The following MLYCD variants were observed in gnomAD, a reference collection of about 807,000 sequenced individuals.
The protein encoded by MLYCD is malonyl-CoA decarboxylase.
In MLYCD, 27 loss-of-function variants were observed where a neutral mutation model predicts 35.8. The ratio of observed to expected loss-of-function variants is 0.75; its 90% CI spans 0.56 to 1.04. MLYCD has a LOEUF of 1.04. MLYCD is among the 50% of genes least tolerant of loss of function. The pLI, the probability that MLYCD is intolerant of heterozygous loss-of-function variation, is 0.00. For missense variants in MLYCD, 917 were observed against 665.1 expected, an observed-to-expected ratio of 1.38 and a Z score of -4.17; for synonymous variants, 403 against 302.4, an observed-to-expected ratio of 1.33 and a Z score of -3.45.
Position 83,915,357 on chromosome 16 carries a change from G to A in MLYCD, c.1350G>A (p.Leu450=), listed in dbSNP as rs752170020. 8.1e-6 allele frequency: 13 copies of A among 1,613,792 alleles called. No homozygotes were observed. In the Admixed American group the frequency reaches 2.2e-4, roughly 27 times the overall value. ...SLRGITGSCG[L]MANYRYFLEE... is the part of the protein sequence containing the mutation. ...GAGGCATCACCGGCTCCTGCGGCCT[G>A]ATGGCCAACTACCGCTACTTCCTGG... The change falls in exon 5 of 5, where the codon CTG becomes CTA. Residue 450 remains leucine (L), a synonymous_variant. Coordinates refer to ENST00000262430, the MANE Select transcript of MLYCD (RefSeq NM_012213.3).
At chr16:83,901,269 A>C (rs140529157) in intron 1 of MLYCD, among the ~76,000 whole-genome samples, 155 of 152,308 alleles carry the variant, frequency 1.0e-3, no homozygotes, top group African/African-American at 3.4e-3. Flanking sequence ...TCTGATCCAC[A>C]CTTGGACATA....
rs556815658 is a variant in MLYCD, at chr16:83,909,692, G to A, written c.798+1410G>A. Among the ~76,000 whole-genome samples, 4 of 150,912 alleles carry A rather than the reference G, an allele frequency of 2.7e-5. No homozygotes were observed. In the South Asian group the frequency reaches 6.3e-4, roughly 24 times the overall value. ...GCTAGAGTGCAATGGTGCTGTCTCG[G>A]CTCACTGCAACCTCCAACTCCCGGG... is the stretch of plus-strand genomic sequence containing the variant. On this transcript the variant is annotated intron_variant, in intron 3 of 4. Coordinates refer to ENST00000262430, the MANE Select transcript of MLYCD (RefSeq NM_012213.3).
At chr16:83,905,918 G>C (rs1906957562) in intron 1 of MLYCD, among the ~76,000 whole-genome samples, 1 of 152,234 alleles carries the variant, frequency 6.6e-6, no homozygotes, top group Non-Finnish European at 1.5e-5. Context: ...TTCTGCTCTT[G>C]CTGGAAAAGC....
chr16:83,911,520 A>G (rs1185331028), intron 3 of MLYCD, among the ~76,000 whole-genome samples: 2 of 152,198 alleles, frequency 1.3e-5, no homozygotes, highest in Non-Finnish European at 2.9e-5. Flanking sequence ...GCTTCGGAGT[A>G]TAAGGGATTA....
At position 83,915,096 on chromosome 16, in the gene MLYCD, C is replaced by A. The variant is rs372909321; in HGVS notation, c.1089C>A (p.Ile363=). ...ELFTDSECKE[I]SEITGGPINE... ...TTACAGATTCGGAATGTAAGGAAATCTCGGAGATCACAGGTGGCCCCATTA... is the reference window on the plus strand; with the variant it reads ...TTACAGATTCGGAATGTAAGGAAATATCGGAGATCACAGGTGGCCCCATTA... Residue 363 remains isoleucine (I), a synonymous_variant, in exon 5 of 5, where the codon ATC becomes ATA. Transcript: ENST00000262430. The A allele has an allele frequency of 1.2e-6, 2 of 1,614,258 alleles. No homozygotes were observed. The highest frequency in any genetic ancestry group is 3.3e-5 in the Admixed American group (2 of 60,032).
In MLYCD at chr16:83,918,606, G is replaced by A. The variant is rs1907525133; in HGVS notation, c.*3117G>A. The A allele has an allele frequency of 7.1e-6, 1 of 140,962 alleles. No homozygotes were observed. The highest frequency in any genetic ancestry group is 1.5e-5 in the Non-Finnish European group (1 of 65,902). The allele number at this position is 140,962 out of a possible 1,614,324, so 8.7% of individuals were successfully genotyped here. On this transcript the variant is annotated 3_prime_UTR_variant, in exon 5 of 5. Transcript: ENST00000262430. ...CAGTGCACAGGAGAACACGCACAGTGCACAGGAGAACACGGTGCACCGGAG... is the reference window on the plus strand; with the variant it reads ...CAGTGCACAGGAGAACACGCACAGTACACAGGAGAACACGGTGCACCGGAG...
intron 1 of MLYCD, among the ~76,000 whole-genome samples, chr16:83,902,154 CGTATATATATATATATATATAT>C (rs1164112908): frequency 2.4e-5 from 2 of 84,452 alleles, no homozygotes; most frequent in East Asian, 3.6e-4. Flanking sequence ...TGTGTGCGTG[CGTATATATATATATATATATAT>C]ATATATATAT....
Position 83,926,882 on chromosome 16 carries a change from G to C in MLYCD, c.*11393G>C, listed in dbSNP as rs1422464607. 2 of 152,268 alleles carry C rather than the reference G, an allele frequency of 1.3e-5. No homozygotes were observed. The highest frequency in any genetic ancestry group is 1.3e-4 in the Admixed American group (2 of 15,284). The allele number at this position is 152,268 out of a possible 1,614,324, so 9.4% of individuals were successfully genotyped here. On this transcript the variant is annotated 3_prime_UTR_variant, in exon 5 of 5. Transcript: ENST00000262430. ...CCAGCCTCCTCTGCTCTGCGCTTGG[G>C]CGCTGAATGTTAAAATTCCTAACAG...
At chr16:83,907,390 G>A (rs1016833930) in intron 2 of MLYCD, among the ~76,000 whole-genome samples, 1 of 152,086 alleles carries the variant, frequency 6.6e-6, no homozygotes, top group Non-Finnish European at 1.5e-5. Flanking sequence ...ATTTTCGCTC[G>A]TCCCAAGACC....
chr16:83,924,252 T>C lies in MLYCD; in HGVS notation c.*8763T>C, dbSNP rs1020344390. On this transcript the variant is annotated 3_prime_UTR_variant, in exon 5 of 5. Coordinates refer to ENST00000262430, the MANE Select transcript of MLYCD (RefSeq NM_012213.3). Reference sequence around the variant, plus strand: ...GTGGTGGGAACGATGGTTGGCCCGGTTTGGAGATGGGGGATCTGGCCCTGT... The same window carrying C: ...GTGGTGGGAACGATGGTTGGCCCGGCTTGGAGATGGGGGATCTGGCCCTGT... 2.6e-5 allele frequency: 4 copies of C among 151,780 alleles called. No homozygotes were observed. Among genetic ancestry groups the C allele is most frequent in the African/African-American group, 4.9e-5 (2 of 41,228 alleles). The allele number at this position is 151,780 out of a possible 1,614,324, so 9.4% of individuals were successfully genotyped here. A position where few individuals can be genotyped will look rare whatever the true frequency, so the allele number is the denominator to read the frequency against.
intron 1 of MLYCD, among the ~76,000 whole-genome samples, chr16:83,900,782 ACT>A (rs1483770249): frequency 1.3e-5 from 2 of 152,076 alleles, no homozygotes; most frequent in Non-Finnish European, 2.9e-5. Flanking sequence ...GAACTCTAAT[ACT>A]GGTTTAATAG....
Position 83,899,653 on chromosome 16 carries a change from T to C in MLYCD, c.509T>C (p.Val170Ala). The stretch of plus-strand genomic sequence containing the variant: ...CTGGAGGCGCAGGCCCTCAAGCTGG[T>C]GGAGGGGCCGGACGTCCGGGTAAGG... ...DLLEAQALKL[V>A]EGPDVREMNG... The change falls in exon 1 of 5, where the codon GTG (valine) becomes GCG (alanine). Residue 170 changes from valine to alanine, a missense_variant. Coordinates refer to ENST00000262430, the MANE Select transcript of MLYCD (RefSeq NM_012213.3). 2 of 1,539,010 alleles carry C rather than the reference T, an allele frequency of 1.3e-6. No individual in the cohort carries two copies. Among genetic ancestry groups the C allele is most frequent in the Non-Finnish European group, 1.7e-6 (2 of 1,150,502 alleles).
chr16:83,900,518 C>G (rs1906746915), intron 1 of MLYCD, among the ~76,000 whole-genome samples: 1 of 151,544 alleles, frequency 6.6e-6, no homozygotes, highest in Non-Finnish European at 1.5e-5. Flanking sequence ...CAGGCTCAAG[C>G]AATCTTCCCA....
chr16:83,913,682 T>G (rs1907263321), intron 4 of MLYCD: 1 of 151,572 alleles, frequency 6.6e-6, no homozygotes, highest in African/African-American at 2.4e-5. Context: ...GGCATGGTGG[T>G]GCATGCCTGT....
At position 83,923,112 on chromosome 16, in the gene MLYCD, C is replaced by CT. The variant is rs1907704305; in HGVS notation, c.*7624dup. ...CTACCCTCTCCATCCCTCCTTCCCT[C>CT]TGAGGGCTTGACCTTCACTGACCTC... is the stretch of plus-strand genomic sequence containing the variant. On this transcript the variant is annotated 3_prime_UTR_variant, in exon 5 of 5. Coordinates refer to ENST00000262430, the MANE Select transcript of MLYCD (RefSeq NM_012213.3). The CT allele has an allele frequency of 6.6e-6, 1 of 152,322 alleles. No individual in the cohort carries two copies. Among genetic ancestry groups the CT allele is most frequent in the Non-Finnish European group, 1.5e-5 (1 of 68,096 alleles). 9.4% of individuals were successfully genotyped at this position (152,322 alleles called of 1,614,324 possible). A position where few individuals can be genotyped will look rare whatever the true frequency, so the allele number is the denominator to read the frequency against.
In MLYCD at chr16:83,912,460, G is replaced by A. The variant is rs977076093; in HGVS notation, c.948+93G>A. 3 of 1,544,116 alleles carry A rather than the reference G, an allele frequency of 1.9e-6. No individual in the cohort carries two copies. The African/African-American group carries it at 4.1e-5, about 21-fold the overall frequency. On this transcript the variant is annotated intron_variant, in intron 4 of 4. Coordinates refer to ENST00000262430, the MANE Select transcript of MLYCD (RefSeq NM_012213.3). ...GGTGTCAGGTGCCATGAGGGACACAGATGAAGACAGGAGCTAAAGGGAGGG... is the reference window on the plus strand; with the variant it reads ...GGTGTCAGGTGCCATGAGGGACACAAATGAAGACAGGAGCTAAAGGGAGGG...
chr16:83,902,968 G>A (rs1236257597), intron 1 of MLYCD, among the ~76,000 whole-genome samples: 6 of 152,154 alleles, frequency 3.9e-5, no homozygotes, highest in African/African-American at 7.2e-5. Context: ...GTGTCTGGGG[G>A]ATGGTGGTTT....
At chr16:83,899,693 C>T (rs1401165459) in intron 1 of MLYCD, 21 bp downstream of exon 1, 18 of 1,494,336 alleles carry the variant, frequency 1.2e-5, no homozygotes, top group Non-Finnish European at 1.6e-5. Context: ...GCCGTCGATC[C>T]CCCGGCAGCG....
Position 83,915,419 on chromosome 16 carries a change from C to G in MLYCD, c.1412C>G (p.Ser471Cys), listed in dbSNP as rs756255010. The change falls in exon 5 of 5, where the codon TCC (serine) becomes TGC (cysteine). Residue 471 changes from serine (S) to cysteine (C), a missense_variant. By Grantham distance (112) the Ser-to-Cys change is moderately radical. Coordinates refer to ENST00000262430, the MANE Select transcript of MLYCD (RefSeq NM_012213.3). The stretch of plus-strand genomic sequence containing the variant: ...CCCAACAGCACCTCCTACCTCGGCT[C>G]CAAGATCATCAAAGCCTCTGAGCAG... The part of the protein sequence containing the change: ...TGPNSTSYLG[S>C]KIIKASEQVL... The G allele has an allele frequency of 2.5e-6, 4 of 1,613,708 alleles. No individual in the cohort carries two copies. The highest frequency in any genetic ancestry group is 1.7e-5 in the Admixed American group (1 of 60,004).
Sources: gnomAD v4.1 joint callset for allele counts (sites outside exome capture counted in the v4.1 genomes callset) on GRCh38, gnomAD v4.1.1 for gene constraint, MANE v1.5 for transcripts, NCBI Gene and HGNC (gene_info 2026-07-23, HGNC 2026-07-21) for gene names.